The following NDUFAF6 variants were observed in gnomAD, a reference collection of about 807,000 sequenced individuals.
The protein encoded by NDUFAF6 is NADH:ubiquinone oxidoreductase complex assembly factor 6, also known as NADH dehydrogenase (ubiquinone) complex I, assembly factor 6.
In NDUFAF6, 45 loss-of-function variants were observed where a neutral mutation model predicts 40.8. The observed-to-expected ratio is 1.10, with a 90% CI of 0.87 to 1.42. NDUFAF6 has a LOEUF of 1.42. Among genes scored for constraint, NDUFAF6 ranks in the 40% most tolerant of loss-of-function variants. NDUFAF6 has a pLI of 0.00. For missense variants in NDUFAF6, 435 were observed against 418.5 expected, an observed-to-expected ratio of 1.04 and a Z score of -0.34; for synonymous variants, 185 against 155.9, an observed-to-expected ratio of 1.19 and a Z score of -1.39.
At chr8:94,992,201 CAT>C (rs1351869569) in intron 2 of NDUFAF6, among the ~76,000 whole-genome samples, 1 of 151,766 alleles carries the variant, frequency 6.6e-6, no homozygotes, top group African/African-American at 2.4e-5. Context: ...AAAAATATGA[CAT>C]GTGGCTGGGC....
chr8:95,082,629 CTTTT>C (rs147803862), intron 2 of NDUFAF6, among the ~76,000 whole-genome samples: 9,125 of 151,714 alleles, frequency 0.06, 864 homozygotes, highest in African/African-American at 0.2. Flanking sequence ...CCTTAGCATT[CTTTT>C]TGTTTGTTTG....
intron 1 of NDUFAF6, among the ~76,000 whole-genome samples, chr8:94,973,442 C>T (rs1824636552): frequency 6.6e-6 from 1 of 152,162 alleles, no homozygotes; most frequent in Admixed American, 6.5e-5. Context: ...GGTGCGGTGG[C>T]TCACGCCTGT....
At position 94,930,838 on chromosome 8, in the gene NDUFAF6, T is replaced by C. The variant is rs1245342314; in HGVS notation, c.-935-14645T>C. ...CCACGCTAATTTGTTTATGGCTGAA[T>C]GAGAGCTTGTGTTTCATGGCTGACA... is the stretch of plus-strand genomic sequence containing the variant. On this transcript the variant is annotated intron_variant, in intron 1 of 14. Transcript: ENST00000396113. 3.3e-6 allele frequency: 4 copies of C among 1,220,694 alleles called. No individual in the cohort carries two copies. In the African/African-American group the frequency reaches 6.1e-5, roughly 19 times the overall value. 75.6% of individuals were successfully genotyped at this position (1,220,694 alleles called of 1,614,324 possible).
At chr8:95,047,658 C>A (rs574300374) in intron 6 of NDUFAF6, among the ~76,000 whole-genome samples, 2 of 151,030 alleles carry the variant, frequency 1.3e-5, no homozygotes, top group African/African-American at 2.4e-5. Flanking sequence ...TACAGGCGCC[C>A]GCCACCACGC....
intron 1 of NDUFAF6, among the ~76,000 whole-genome samples, chr8:94,898,976 G>A (rs1586579627): frequency 6.6e-6 from 1 of 152,160 alleles, no homozygotes; most frequent in Non-Finnish European, 1.5e-5. Context: ...TATTTCTCAT[G>A]TAACAAGAAA....
At chr8:94,896,211 C>T (rs976368884) in intron 1 of NDUFAF6, among the ~76,000 whole-genome samples, 4 of 150,390 alleles carry the variant, frequency 2.7e-5, no homozygotes, top group Non-Finnish European at 6.0e-5. Context: ...GGGACCTGGC[C>T]GGGTGGGAAG....
At chr8:95,035,723 G>A in intron 3 of NDUFAF6, 147 bp downstream of exon 3, 2 of 791,126 alleles carry the variant, frequency 2.5e-6, no homozygotes, top group Non-Finnish European at 3.9e-6. Context: ...TTATAGTTTT[G>A]GCACAGAAAT....
chr8:95,032,961 G>A (rs1255215831), intron 2 of NDUFAF6, among the ~76,000 whole-genome samples: 2 of 152,148 alleles, frequency 1.3e-5, no homozygotes, highest in African/African-American at 4.8e-5. Context: ...AGTGTAAACT[G>A]TACATAAGCA....
intron 1 of NDUFAF6, among the ~76,000 whole-genome samples, chr8:94,960,591 T>A (rs13281709): frequency 0.51 from 77,034 of 152,074 alleles, 19,939 homozygotes; most frequent in East Asian, 0.72. Flanking sequence ...TTTATTCCAA[T>A]TGGCAGAACG....
At chr8:95,059,522 C>T (rs1406450634), downstream of NDUFAF6, among the ~76,000 whole-genome samples, 1 of 152,114 alleles carries the variant, frequency 6.6e-6, no homozygotes, top group Non-Finnish European at 1.5e-5. Context: ...CTGTGGCTTT[C>T]GAGAGCCATT....
chr8:95,084,221 G>A (rs1424253739), intron 2 of NDUFAF6, among the ~76,000 whole-genome samples: 11 of 151,452 alleles, frequency 7.3e-5, no homozygotes, highest in Admixed American at 7.2e-4. Flanking sequence ...TTTCTATTGT[G>A]AATGCAAAAA....
At position 94,933,835 on chromosome 8, in the gene NDUFAF6, G is replaced by T. The variant is rs555988850; in HGVS notation, c.-935-11648G>T. On this transcript the variant is annotated intron_variant, in intron 1 of 14. Transcript: ENST00000396113. ...CATGCCTGTAATCCCAGCACTTTGT[G>T]GGGGGGGGGGGAGGATCACGAGGTC... Among the ~76,000 whole-genome samples, 102 of 14,284 alleles carry T rather than the reference G, an allele frequency of 7.1e-3. 1 individual carries two copies. The highest frequency in any genetic ancestry group is 0.042 in the Middle Eastern group (1 of 24). 9.4% of individuals were successfully genotyped at this position (14,284 alleles called of 152,430 possible).
intron 1 of NDUFAF6, chr8:94,958,206 A>T (rs1586804584): frequency 6.6e-6 from 1 of 152,382 alleles, no homozygotes; most frequent in East Asian, 1.9e-4. Context: ...AGAAGGTCTA[A>T]ATGTATTTAC....
At chr8:94,970,104 A>T (rs1016919538) in intron 1 of NDUFAF6, among the ~76,000 whole-genome samples, 2 of 151,834 alleles carry the variant, frequency 1.3e-5, no homozygotes, top group African/African-American at 2.4e-5. Context: ...AAATACAAAA[A>T]ATTAGCCAGG....
downstream of NDUFAF6, among the ~76,000 whole-genome samples, chr8:95,104,687 C>T (rs1162636218): frequency 6.6e-6 from 1 of 152,184 alleles, no homozygotes; most frequent in Non-Finnish European, 1.5e-5. Context: ...CCCACTGTAA[C>T]ACACTCCATT....
At chr8:94,930,883 G>A (rs1439873566) in intron 1 of NDUFAF6, among the ~76,000 whole-genome samples, 1 of 152,192 alleles carries the variant, frequency 6.6e-6, no homozygotes, top group Non-Finnish European at 1.5e-5. Context: ...ATTATTCTGT[G>A]ACCCCACTGA....
At chr8:95,091,000 C>CTTAATAAACTCATATATATA (rs1003106820) in intron 2 of NDUFAF6, among the ~76,000 whole-genome samples, 1 of 126,328 alleles carries the variant, frequency 7.9e-6, no homozygotes, top group Non-Finnish European at 1.7e-5. Flanking sequence ...TAAGTTAATA[C>CTTAATAAACTCATATATATA]TTAATAAACT....
chr8:95,005,526 AATAT>A (rs760333438), intron 2 of NDUFAF6, among the ~76,000 whole-genome samples: 105 of 7,272 alleles, frequency 0.014, no homozygotes, highest in Admixed American at 0.026. Context: ...GGTCCTTTTA[AATAT>A]ATATATATAT....
chr8:94,996,742 GGTAA>G (rs1260360151), intron 2 of NDUFAF6, among the ~76,000 whole-genome samples: 1 of 152,142 alleles, frequency 6.6e-6, no homozygotes, highest in Non-Finnish European at 1.5e-5. Context: ...TCTTCATAGA[GGTAA>G]GTAAGCTAAA....
Sources: gnomAD v4.1 joint callset for allele counts (sites outside exome capture counted in the v4.1 genomes callset) on GRCh38, gnomAD v4.1.1 for gene constraint, MANE v1.5 for transcripts, NCBI Gene and HGNC (gene_info 2026-07-23, HGNC 2026-07-21) for gene names.